Variants in DLG2 observed in about 807,000 individuals in gnomAD.
DLG2 encodes discs large MAGUK scaffold protein 2.
DLG2 carries 45 observed loss-of-function variants against 132.5 expected under a neutral mutation model. The observed-to-expected ratio is 0.34, with a 90% CI of 0.27 to 0.44. The LOEUF is 0.44. DLG2 is among the 20% of genes least tolerant of loss of function. The pLI is 1.00. For synonymous variants in DLG2, 424 were observed against 419.6 expected (o/e 1.01, Z -0.13); for missense variants, 1,045 against 1,196.9 (o/e 0.87, Z 1.87).
intron 6 of DLG2, among the ~76,000 whole-genome samples, chr11:84,686,170 C>T (rs1468917587): frequency 6.6e-6 from 1 of 152,182 alleles, no homozygotes; most frequent in Non-Finnish European, 1.5e-5. Context: ...CAGTCAACCT[C>T]CTGACTGTAG....
intron 3 of DLG2, among the ~76,000 whole-genome samples, chr11:85,545,721 G>C (rs965147718): frequency 2.0e-5 from 3 of 152,114 alleles, no homozygotes; most frequent in Non-Finnish European, 2.9e-5. Flanking sequence ...TCTTGGGAGG[G>C]TGTATGTGTC....
At chr11:85,280,565 T>C (rs2078162490) in intron 4 of DLG2, among the ~76,000 whole-genome samples, 2 of 152,016 alleles carry the variant, frequency 1.3e-5, no homozygotes, top group African/African-American at 4.8e-5. Context: ...GAATTGCAGA[T>C]TTCAGCCCAG....
At chr11:83,782,414 T>C (rs1402448329) in intron 18 of DLG2, among the ~76,000 whole-genome samples, 1 of 152,194 alleles carries the variant, frequency 6.6e-6, no homozygotes, top group East Asian at 1.9e-4. Context: ...CTCCTAGTGC[T>C]GTCTAGGAGC....
In DLG2 at chr11:84,421,529, T is replaced by C. The variant is rs1270532854; in HGVS notation, c.519+113041A>G. 2.6e-5 allele frequency among the ~76,000 whole-genome samples: 4 copies of C among 152,198 alleles called. No individual in the cohort carries two copies. The East Asian group carries it at 7.7e-4, about 29-fold the overall frequency. On this transcript the variant is annotated intron_variant, in intron 7 of 27. Coordinates refer to ENST00000376104, the MANE Select transcript of DLG2 (RefSeq NM_001142699.3). ...GTAAACGTCTCCTAAAGCGTCTCCT[T>C]GTCTGTACTCTTGCTCATTTCTAAT...
intron 8 of DLG2, among the ~76,000 whole-genome samples, chr11:84,164,736 T>C (rs9787893): frequency 0.65 from 99,523 of 152,118 alleles, 34,809 homozygotes; most frequent in Middle Eastern, 0.81. Context: ...TTATAATCAG[T>C]GAACATATAG....
intron 6 of DLG2, among the ~76,000 whole-genome samples, chr11:84,974,487 T>C (rs1326447239): frequency 1.3e-5 from 2 of 152,162 alleles, no homozygotes; most frequent in Non-Finnish European, 2.9e-5. Flanking sequence ...ATAATTAAGA[T>C]AAAACATCTG....
At chr11:83,758,721 A>T (rs71465559) in intron 18 of DLG2, among the ~76,000 whole-genome samples, 6,857 of 152,262 alleles carry the variant, frequency 0.045, 204 homozygotes, top group Middle Eastern at 0.11. Flanking sequence ...TAAGGAGTTA[A>T]AAAAAGTAAC....
intron 7 of DLG2, among the ~76,000 whole-genome samples, chr11:84,529,073 C>T (rs774800530): frequency 3.3e-5 from 5 of 151,980 alleles, no homozygotes; most frequent in South Asian, 2.1e-4. Flanking sequence ...TTTTTTTCCC[C>T]TAGAAAAATG....
chr11:84,970,132 G>A (rs2053877337), intron 6 of DLG2, among the ~76,000 whole-genome samples: 1 of 151,862 alleles, frequency 6.6e-6, no homozygotes, highest in Non-Finnish European at 1.5e-5. Flanking sequence ...AAACCTGCAC[G>A]TTCTGCACAT....
chr11:84,231,278 G>A (rs1190448772), intron 8 of DLG2, among the ~76,000 whole-genome samples: 1 of 152,170 alleles, frequency 6.6e-6, no homozygotes, highest in Non-Finnish European at 1.5e-5. Flanking sequence ...ATAGAATGAT[G>A]CTGGATCTTA....
At chr11:84,283,889 G>C (rs772678726) in intron 7 of DLG2, among the ~76,000 whole-genome samples, 7 of 152,042 alleles carry the variant, frequency 4.6e-5, no homozygotes, top group South Asian at 2.1e-4. Context: ...ATATTTACCA[G>C]GATTTTCTGT....
chr11:83,920,138 C>A (rs894556855), intron 15 of DLG2, among the ~76,000 whole-genome samples: 2 of 152,100 alleles, frequency 1.3e-5, no homozygotes, highest in Admixed American at 6.5e-5. Context: ...GCCCAGTGTA[C>A]CCTCTCCTTT....
chr11:84,598,438 G>T (rs576595848), intron 6 of DLG2, among the ~76,000 whole-genome samples: 1 of 152,108 alleles, frequency 6.6e-6, no homozygotes, highest in African/African-American at 2.4e-5. Context: ...TGCAGCTAAG[G>T]TTGAAACACT....
chr11:84,754,857 G>T (rs958397604), intron 6 of DLG2, among the ~76,000 whole-genome samples: 2 of 152,142 alleles, frequency 1.3e-5, no homozygotes, highest in Admixed American at 1.3e-4. Context: ...GGGGAATGTC[G>T]TTAGTATAGG....
intron 18 of DLG2, among the ~76,000 whole-genome samples, chr11:83,700,733 A>AT (rs1212421843): frequency 2.3e-5 from 3 of 132,764 alleles, no homozygotes; most frequent in African/African-American, 9.9e-5. Flanking sequence ...TGGAATGAAA[A>AT]TAAAAAAAAA....
At chr11:84,932,695 C>A (rs992894009) in intron 6 of DLG2, among the ~76,000 whole-genome samples, 23 of 150,430 alleles carry the variant, frequency 1.5e-4, no homozygotes, top group Admixed American at 1.3e-3. Flanking sequence ...TGATCTCATT[C>A]CTTTTTTATG....
At chr11:83,657,352 T>C (rs1566347249) in intron 18 of DLG2, among the ~76,000 whole-genome samples, 1 of 152,114 alleles carries the variant, frequency 6.6e-6, no homozygotes, top group African/African-American at 2.4e-5. Context: ...AGTTGGTACA[T>C]AGCCTAGGAG....
intron 3 of DLG2, among the ~76,000 whole-genome samples, chr11:85,555,969 C>G (rs1489041025): frequency 6.6e-6 from 1 of 151,776 alleles, no homozygotes; most frequent in Non-Finnish European, 1.5e-5. Context: ...TTGAATTTTA[C>G]ATCTGTGGGG....
intron 11 of DLG2, among the ~76,000 whole-genome samples, chr11:84,017,752 A>G (rs1042119653): frequency 3.9e-5 from 6 of 152,056 alleles, no homozygotes; most frequent in African/African-American, 1.4e-4. Flanking sequence ...AAAGAAGAAC[A>G]TTGAAAATAA....
Sources: gnomAD v4.1 joint callset for allele counts (sites outside exome capture counted in the v4.1 genomes callset) on GRCh38, gnomAD v4.1.1 for gene constraint, MANE v1.5 for transcripts, NCBI Gene and HGNC (gene_info 2026-07-23, HGNC 2026-07-21) for gene names.